Variants in NSMAF observed in about 807,000 individuals in gnomAD.
NSMAF encodes protein FAN.
In NSMAF, 90 loss-of-function variants were observed where a neutral mutation model predicts 134.9. The ratio of observed to expected loss-of-function variants is 0.67; its 90% CI spans 0.56 to 0.79. The LOEUF is 0.79. Ranked by LOEUF, NSMAF falls within the 30% of genes least tolerant of loss-of-function variation. The pLI, the probability that NSMAF is intolerant of heterozygous loss-of-function variation, is 0.00. For missense variants in NSMAF, 1,010 were observed against 1,119.0 expected (o/e 0.90, Z 1.39); for synonymous variants, 358 against 389.6 (o/e 0.92, Z 0.96).
chr8:58,658,667 C>A (rs183954554), intron 1 of NSMAF, among the ~76,000 whole-genome samples: 1 of 152,308 alleles, frequency 6.6e-6, no homozygotes, highest in African/African-American at 2.4e-5. Context: ...TGATTCAGCC[C>A]CCCTTTCCTT....
intron 2 of NSMAF, among the ~76,000 whole-genome samples, chr8:58,637,032 A>C (rs777712601): frequency 2.0e-5 from 3 of 151,678 alleles, no homozygotes; most frequent in Admixed American, 6.6e-5. Flanking sequence ...ACACACACAC[A>C]CACACACACC....
At chr8:58,659,359 C>G (rs1013811687) in intron 1 of NSMAF, 20 of 1,525,672 alleles carry the variant, frequency 1.3e-5, no homozygotes, top group Admixed American at 8.0e-5. Flanking sequence ...AGTTCCTGTC[C>G]CCGGCAGGCT....
At chr8:58,586,023 G>A in intron 28 of NSMAF, 23 bp from the exon 29 acceptor site, 6 of 1,529,310 alleles carry the variant, frequency 3.9e-6, no homozygotes, top group Non-Finnish European at 5.4e-6. Flanking sequence ...GTGAGACTCA[G>A]ATATGAGTGA....
intron 23 of NSMAF, 61 bp downstream of exon 23, chr8:58,594,171 A>G: frequency 6.9e-7 from 1 of 1,452,514 alleles, no homozygotes; most frequent in Non-Finnish European, 9.7e-7. Flanking sequence ...CGAGCTAAAT[A>G]ATAAAGAACT....
chr8:58,648,794 G>A (rs1376744959), intron 1 of NSMAF, among the ~76,000 whole-genome samples: 3 of 152,242 alleles, frequency 2.0e-5, no homozygotes, highest in Non-Finnish European at 2.9e-5. Context: ...CAAGCATGAA[G>A]GAGCCTTGGC....
intron 6 of NSMAF, among the ~76,000 whole-genome samples, chr8:58,629,622 AAACAAC>A (rs139107276): frequency 3.3e-5 from 5 of 151,778 alleles, no homozygotes; most frequent in Admixed American, 6.6e-5. Flanking sequence ...CACACATTAA[AAACAAC>A]AACAACAACA....
intron 9 of NSMAF, among the ~76,000 whole-genome samples, chr8:58,614,690 A>G (rs958840723): frequency 6.6e-6 from 1 of 152,182 alleles, no homozygotes. Context: ...TTCCAGGCCC[A>G]GTCATTTGGA....
At chr8:58,597,959 C>A in intron 19 of NSMAF, 57 bp from the exon 20 acceptor site, 1 of 1,235,080 alleles carries the variant, frequency 8.1e-7, no homozygotes, top group East Asian at 2.3e-5. Flanking sequence ...GTAATATACA[C>A]TGTTTAGAAC....
chr8:58,600,254 A>C, intron 16 of NSMAF: 1 of 538,628 alleles, frequency 1.9e-6, no homozygotes, highest in Non-Finnish European at 3.3e-6. Context: ...ATAGAGTCCG[A>C]GTCCACACCA....
intron 1 of NSMAF, chr8:58,659,294 C>A: frequency 6.6e-7 from 1 of 1,524,282 alleles, no homozygotes; most frequent in Non-Finnish European, 8.8e-7. Context: ...CCTGCACTGC[C>A]GGATAGCTCG....
At chr8:58,639,294 A>G (rs1281554920) in intron 2 of NSMAF, among the ~76,000 whole-genome samples, 1 of 145,024 alleles carries the variant, frequency 6.9e-6, no homozygotes, top group African/African-American at 2.5e-5. Context: ...AATAAAAAAA[A>G]AAAAAGAAGA....
At chr8:58,593,879 C>G (rs1177391110) in intron 23 of NSMAF, among the ~76,000 whole-genome samples, 6 of 152,160 alleles carry the variant, frequency 3.9e-5, no homozygotes, top group African/African-American at 1.4e-4. Flanking sequence ...CTGACAGGCA[C>G]ACATCAATTT....
At chr8:58,617,077 C>T (rs917185518) in intron 9 of NSMAF, among the ~76,000 whole-genome samples, 1 of 152,150 alleles carries the variant, frequency 6.6e-6, no homozygotes, top group African/African-American at 2.4e-5. Context: ...ATCTTTTGGT[C>T]TGTTCTTCTT....
chr8:58,646,350 T>C (rs1206090663), intron 1 of NSMAF, among the ~76,000 whole-genome samples: 2 of 152,204 alleles, frequency 1.3e-5, no homozygotes, highest in Non-Finnish European at 2.9e-5. Context: ...ATAGAGTAAG[T>C]ATTCTTCAAT....
intron 16 of NSMAF, 154 bp downstream of exon 16, chr8:58,601,131 A>C (rs1806268475): frequency 1.6e-6 from 1 of 641,082 alleles, no homozygotes; most frequent in Non-Finnish European, 2.7e-6. Context: ...ACACATATAC[A>C]TGTCTAGAAA....
chr8:58,637,365 G>A (rs1410609344), intron 2 of NSMAF: 1 of 456,132 alleles, frequency 2.2e-6, no homozygotes, highest in African/African-American at 2.0e-5. Flanking sequence ...TCTTGGTGCT[G>A]ATTGCAACTG....
chr8:58,612,065 C>G (rs2129142731), intron 9 of NSMAF, among the ~76,000 whole-genome samples: 1 of 152,238 alleles, frequency 6.6e-6, no homozygotes, highest in East Asian at 1.9e-4. Context: ...GGTCTTTGGT[C>G]CTGATTCCTG....
intron 6 of NSMAF, among the ~76,000 whole-genome samples, chr8:58,628,742 T>C (rs1332136472): frequency 2.6e-5 from 4 of 152,326 alleles, no homozygotes; most frequent in Non-Finnish European, 2.9e-5. Flanking sequence ...CTCTGAGCTT[T>C]TGTTTATCTG....
intron 30 of NSMAF, among the ~76,000 whole-genome samples, chr8:58,584,715 T>C (rs946386302): frequency 2.0e-5 from 3 of 152,188 alleles, no homozygotes; most frequent in African/African-American, 7.2e-5. Flanking sequence ...AAGCTCACTG[T>C]AGCCTCTGTC....
Sources: gnomAD v4.1 joint callset for allele counts (sites outside exome capture counted in the v4.1 genomes callset) on GRCh38, gnomAD v4.1.1 for gene constraint, MANE v1.5 for transcripts, NCBI Gene and HGNC (gene_info 2026-07-23, HGNC 2026-07-21) for gene names.